Variants in ANAPC5 observed in about 807,000 individuals in gnomAD.
The protein encoded by ANAPC5 is anaphase-promoting complex subunit 5.
Under a neutral mutation model 91.3 loss-of-function variants are expected in ANAPC5, and 60 were observed. That is an observed-to-expected ratio of 0.66 (90% confidence interval 0.53 to 0.81). ANAPC5 has a LOEUF of 0.81. Ranked by LOEUF, ANAPC5 falls within the 40% of genes least tolerant of loss-of-function variation. ANAPC5 has a pLI of 0.00. For synonymous variants in ANAPC5, 340 were observed against 364.1 expected, an observed-to-expected ratio of 0.93 and a Z score of 0.75; for missense variants, 690 against 931.5, an observed-to-expected ratio of 0.74 and a Z score of 3.37.
At chr12:121,336,696 A>C (rs1555273512) in intron 6 of ANAPC5, among the ~76,000 whole-genome samples, 5 of 152,058 alleles carry the variant, frequency 3.3e-5, no homozygotes, top group African/African-American at 7.2e-5. Flanking sequence ...CAAACAAACA[A>C]ACACTGTTTT....
At chr12:121,327,386 G>A in intron 10 of ANAPC5, 155 bp from the exon 11 acceptor site, 1 of 866,908 alleles carries the variant, frequency 1.2e-6, no homozygotes, top group Non-Finnish European at 1.7e-6. Context: ...CAGCAACCTT[G>A]CCCTCAGGAT....
At chr12:121,332,853 T>C (rs556247893) in intron 7 of ANAPC5, 1 of 152,312 alleles carries the variant, frequency 6.6e-6, no homozygotes, top group East Asian at 1.9e-4. Context: ...ATTGTAAACA[T>C]AGACAAATTC....
chr12:121,336,400 G>A (rs782217687), intron 6 of ANAPC5, among the ~76,000 whole-genome samples: 5 of 152,156 alleles, frequency 3.3e-5, no homozygotes, highest in South Asian at 2.1e-4. Flanking sequence ...CATTTAGGCT[G>A]GGCGTGATGG....
chr12:121,346,102 A>C, intron 3 of ANAPC5, 71 bp from the exon 4 acceptor site: 11 of 1,215,274 alleles, frequency 9.1e-6, no homozygotes, highest in Non-Finnish European at 1.3e-5. Flanking sequence ...CAACTCCACA[A>C]TGGCAATGAC....
upstream of ANAPC5, among the ~76,000 whole-genome samples, chr12:121,353,027 AGTTT>A (rs1414404139): frequency 1.3e-5 from 2 of 151,768 alleles, no homozygotes; most frequent in Non-Finnish European, 2.9e-5. Context: ...AATGTTTAGG[AGTTT>A]AACTCTGTCT....
chr12:121,327,526 T>G, intron 10 of ANAPC5: 1 of 367,452 alleles, frequency 2.7e-6, no homozygotes, highest in African/African-American at 2.3e-5. Flanking sequence ...AGTATGTTAA[T>G]TAGTTTTCAC....
intron 1 of ANAPC5, among the ~76,000 whole-genome samples, chr12:121,349,180 T>C (rs1332837375): frequency 1.3e-5 from 2 of 152,140 alleles, no homozygotes; most frequent in African/African-American, 4.8e-5. Flanking sequence ...AAAAATTAAC[T>C]AATTTAAGAA....
chr12:121,309,895 C>A, intron 15 of ANAPC5, 32 bp from the exon 16 acceptor site: 2 of 1,557,930 alleles, frequency 1.3e-6, no homozygotes, highest in Non-Finnish European at 8.7e-7. Flanking sequence ...ACTGTACATA[C>A]CCAAACCCAC....
At chr12:121,351,725 G>C (rs1200716324) in intron 1 of ANAPC5, among the ~76,000 whole-genome samples, 2 of 152,200 alleles carry the variant, frequency 1.3e-5, no homozygotes, top group East Asian at 3.9e-4. Flanking sequence ...CCAAAGTGCG[G>C]AGATTATAGG....
chr12:121,325,446 G>C (rs1902773007), intron 11 of ANAPC5, among the ~76,000 whole-genome samples: 1 of 146,840 alleles, frequency 6.8e-6, no homozygotes, highest in Non-Finnish European at 1.5e-5. Flanking sequence ...CTGGGTGACA[G>C]AGTGAGACTC....
At chr12:121,352,718 T>TTGTTGTTGTTGGTGGTGGTGGTGGTGG (rs71079056), upstream of ANAPC5, among the ~76,000 whole-genome samples, 4 of 102,436 alleles carry the variant, frequency 3.9e-5, no homozygotes, top group East Asian at 2.9e-4. Context: ...GTTGTTGTTG[T>TTGTTGTTGTTGGTGGTGGTGGTGGTGG]TGGTGGTGGT....
intron 1 of ANAPC5, among the ~76,000 whole-genome samples, chr12:121,351,709 A>G (rs1566201250): frequency 6.6e-6 from 1 of 151,570 alleles, no homozygotes; most frequent in Non-Finnish European, 1.5e-5. Flanking sequence ...CACCCGCCTT[A>G]CCCTCCCAAA....
intron 12 of ANAPC5, 26 bp downstream of exon 12, chr12:121,320,359 C>T: frequency 6.2e-7 from 1 of 1,607,034 alleles, no homozygotes; most frequent in Non-Finnish European, 8.5e-7. Context: ...AGAAATAAAT[C>T]TATTGCCATG....
At position 121,328,436 on chromosome 12, in the gene ANAPC5, G is replaced by C. The variant is rs1555272545; in HGVS notation, c.1184C>G (p.Ala395Gly). The change falls in exon 10 of 17, where the codon GCA (alanine) becomes GGA (glycine). Residue 395 changes from alanine to glycine, a missense_variant. Transcript: ENST00000261819. ...VQQRAFAGKT[A>G]NKLMDALKDS... ...CTTTAGGGCATCCATCAGCTTGTTTGCCGTCTTCCCAGCAAAAGCTCTCTG... is the reference window on the plus strand; with the variant it reads ...CTTTAGGGCATCCATCAGCTTGTTTCCCGTCTTCCCAGCAAAAGCTCTCTG... The C allele has an allele frequency of 1.9e-6, 3 of 1,613,920 alleles. No individual in the cohort carries two copies. The highest frequency in any genetic ancestry group is 2.5e-6 in the Non-Finnish European group (3 of 1,179,996).
chr12:121,330,496 A>C, intron 9 of ANAPC5, 87 bp downstream of exon 9: 1 of 1,057,996 alleles, frequency 9.5e-7, no homozygotes, highest in Non-Finnish European at 1.4e-6. Context: ...TTCTAAATCT[A>C]TCGCTGGTTA....
chr12:121,338,908 T>C (rs933093914), intron 5 of ANAPC5, among the ~76,000 whole-genome samples: 1 of 152,016 alleles, frequency 6.6e-6, no homozygotes, highest in Admixed American at 6.6e-5. Context: ...TATATGTTTA[T>C]AATACAGGGT....
In ANAPC5 at chr12:121,308,569, T is replaced by A. The variant is rs1361110456; in HGVS notation, c.2179A>T (p.Thr727Ser). ...ATCGCACACCGGTTCCTCTCCTGGGTCTTCCCCAGGGTATGGTAGAGTCTG... is the reference window on the plus strand; with the variant it reads ...ATCGCACACCGGTTCCTCTCCTGGGACTTCCCCAGGGTATGGTAGAGTCTG... ...QARLYHTLGK[T>S]QERNRCAMLF... The change falls in exon 17 of 17, where the codon ACC (threonine) becomes TCC (serine). Residue 727 changes from threonine (T) to serine (S), a missense_variant. Around this residue, in one of 5 missense-constraint regions of ANAPC5, gnomAD observed 317 missense variants for 438.7 expected, o/e 0.72. Coordinates refer to ENST00000261819, the MANE Select transcript of ANAPC5 (RefSeq NM_016237.5). 1.9e-6 allele frequency: 3 copies of A among 1,614,104 alleles called. No homozygotes were observed. Among genetic ancestry groups the A allele is most frequent in the Non-Finnish European group, 2.5e-6 (3 of 1,180,004 alleles).
chr12:121,313,624 A>C (rs1902253105), intron 15 of ANAPC5, among the ~76,000 whole-genome samples: 1 of 152,218 alleles, frequency 6.6e-6, no homozygotes, highest in East Asian at 1.9e-4. Context: ...ACCATGAACA[A>C]TTCTATGCAA....
intron 1 of ANAPC5, chr12:121,351,177 C>A: frequency 2.5e-6 from 1 of 400,762 alleles, no homozygotes; most frequent in Non-Finnish European, 5.0e-6. Flanking sequence ...TCCCGGCCAG[C>A]CTGGGTAACA....
Sources: allele counts gnomAD v4.1 joint callset (sites outside exome capture counted in the v4.1 genomes callset), GRCh38; gene constraint gnomAD v4.1.1; regional missense constraint gnomAD v4.1.1; transcripts MANE v1.5; gene names NCBI Gene and HGNC (gene_info 2026-07-23, HGNC 2026-07-21).